The following SPIDR variants were observed in gnomAD, a reference collection of about 807,000 sequenced individuals.
The protein encoded by SPIDR is scaffold protein involved in DNA repair.
SPIDR carries 93 observed loss-of-function variants against 104.6 expected under a neutral mutation model. The observed-to-expected ratio is 0.89, with a 90% confidence interval of 0.75 to 1.06. The LOEUF (loss-of-function observed/expected upper bound fraction) is 1.06, where lower values mean the gene tolerates loss of function less well. Among genes scored for constraint, SPIDR ranks in the 50% least tolerant of loss-of-function variants. The pLI is 0.00. For missense variants in SPIDR, 1,154 were observed against 1,111.2 expected, an observed-to-expected ratio of 1.04 and a Z score of -0.55; for synonymous variants, 431 against 416.9, an observed-to-expected ratio of 1.03 and a Z score of -0.41.
Position 47,671,420 on chromosome 8 carries a change from A to G in SPIDR, c.1545-2381A>G, listed in dbSNP as rs556783324. Among the ~76,000 whole-genome samples the G allele has an allele frequency of 2.7e-3, 417 of 152,054 alleles. 1 individual carries two copies. The highest frequency in any genetic ancestry group is 9.8e-3 in the African/African-American group (407 of 41,464). On this transcript the variant is annotated intron_variant, in intron 10 of 19. Transcript: ENST00000297423. The stretch of plus-strand genomic sequence containing the variant: ...CCCAACATGGAGAAACCCCATCTCT[A>G]CTAAAAATACAAAAATTAGCCAGGT...
At chr8:47,381,485 ACT>A (rs2059318959) in intron 5 of SPIDR, among the ~76,000 whole-genome samples, 1 of 151,868 alleles carries the variant, frequency 6.6e-6, no homozygotes, top group Non-Finnish European at 1.5e-5. Context: ...GGGCCTTCTG[ACT>A]CTTTGTTCTT....
chr8:47,672,262 CA>C (rs1161086016), intron 10 of SPIDR, among the ~76,000 whole-genome samples: 1 of 152,172 alleles, frequency 6.6e-6, no homozygotes, highest in Non-Finnish European at 1.5e-5. Context: ...TGGCCAGCCC[CA>C]CTTGGTATTT....
At chr8:47,534,726 C>T (rs2086615913) in intron 8 of SPIDR, among the ~76,000 whole-genome samples, 1 of 152,098 alleles carries the variant, frequency 6.6e-6, no homozygotes, top group Non-Finnish European at 1.5e-5. Flanking sequence ...AAAAAACCCC[C>T]ATGACCCATG....
chr8:47,398,574 T>C (rs1283286863), intron 6 of SPIDR, among the ~76,000 whole-genome samples: 1 of 152,012 alleles, frequency 6.6e-6, no homozygotes, highest in Non-Finnish European at 1.5e-5. Context: ...GCAGGTGCTT[T>C]TGGTTTTGTA....
intron 10 of SPIDR, among the ~76,000 whole-genome samples, chr8:47,612,231 C>T: frequency 6.6e-6 from 1 of 152,176 alleles, no homozygotes; most frequent in East Asian, 1.9e-4. Flanking sequence ...AGCTTTGTAC[C>T]TCGAGTCTTT....
intron 5 of SPIDR, among the ~76,000 whole-genome samples, chr8:47,359,160 G>A (rs1554628111): frequency 6.6e-6 from 1 of 151,450 alleles, no homozygotes; most frequent in Non-Finnish European, 1.5e-5. Context: ...GCAGGAGAAT[G>A]GCGTGAACCC....
chr8:47,485,932 A>T (rs1422312790), intron 8 of SPIDR, among the ~76,000 whole-genome samples: 3 of 152,168 alleles, frequency 2.0e-5, no homozygotes, highest in African/African-American at 7.2e-5. Context: ...AAATTCTACA[A>T]ATCAGAGCGC....
At position 47,511,434 on chromosome 8, in the gene SPIDR, T is replaced by A. The variant is rs1263983242; in HGVS notation, c.1097+70892T>A. 3.8e-6 allele frequency: 3 copies of A among 795,332 alleles called. No homozygotes were observed. In the African/African-American group the frequency reaches 5.0e-5, roughly 13 times the overall value. 49.3% of individuals were successfully genotyped at this position (795,332 alleles called of 1,614,324 possible). On this transcript the variant is annotated intron_variant, in intron 8 of 19. Transcript: ENST00000297423. The stretch of plus-strand genomic sequence containing the variant: ...ACTTCATAAAGTCCTCGTCCTGATG[T>A]TCCTCCATATCCAAGTTCGCCTGTC...
At chr8:47,570,212 A>G (rs1174903456) in intron 8 of SPIDR, among the ~76,000 whole-genome samples, 5 of 152,058 alleles carry the variant, frequency 3.3e-5, no homozygotes, top group Admixed American at 6.5e-5. Context: ...CAGTGTTGAC[A>G]TAAAGATAAA....
intron 4 of SPIDR, among the ~76,000 whole-genome samples, chr8:47,293,470 A>T (rs1469837383): frequency 6.6e-6 from 1 of 152,036 alleles, no homozygotes; most frequent in Non-Finnish European, 1.5e-5. Flanking sequence ...TTTTTGAGAC[A>T]GAGTCTCGTT....
chr8:47,569,161 C>G (rs886270390), intron 8 of SPIDR, among the ~76,000 whole-genome samples: 1 of 152,006 alleles, frequency 6.6e-6, no homozygotes, highest in Non-Finnish European at 1.5e-5. Flanking sequence ...AAATCAAAAG[C>G]AGTTACAAGA....
intron 10 of SPIDR, among the ~76,000 whole-genome samples, chr8:47,626,851 C>G (rs1391050246): frequency 6.6e-6 from 1 of 152,082 alleles, no homozygotes; most frequent in South Asian, 2.1e-4. Flanking sequence ...GGATCTAGAA[C>G]TAGAAATACC....
chr8:47,689,841 T>A (rs2078371197), intron 11 of SPIDR, among the ~76,000 whole-genome samples: 1 of 152,228 alleles, frequency 6.6e-6, no homozygotes, highest in Admixed American at 6.5e-5. Context: ...ACTGATCAGG[T>A]TGAAGCCTGG....
chr8:47,578,558 A>G (rs73567580), intron 8 of SPIDR, among the ~76,000 whole-genome samples: 5,691 of 152,286 alleles, frequency 0.037, 283 homozygotes, highest in African/African-American at 0.12. Context: ...CCATAGCGCT[A>G]TGCTACTACT....
intron 8 of SPIDR, among the ~76,000 whole-genome samples, chr8:47,543,670 TA>T (rs926941871): frequency 4.6e-5 from 7 of 152,146 alleles, no homozygotes; most frequent in South Asian, 2.1e-4. Flanking sequence ...GGTCACATGT[TA>T]AAAAAATGAT....
chr8:47,350,503 G>T (rs1347792492), intron 5 of SPIDR, among the ~76,000 whole-genome samples: 1 of 151,466 alleles, frequency 6.6e-6, no homozygotes, highest in Non-Finnish European at 1.5e-5. Context: ...TAGTAGAGAT[G>T]GGGTTTCACC....
In SPIDR at chr8:47,673,855, G is replaced by A; in HGVS notation, c.1599G>A (p.Glu533=). The A allele has an allele frequency of 6.2e-7, 1 of 1,614,162 alleles. No individual in the cohort carries two copies. Among genetic ancestry groups the A allele is most frequent in the South Asian group, 1.1e-5 (1 of 91,088 alleles). The change falls in exon 11 of 20, where the codon GAG becomes GAA. Residue 533 remains glutamate (E), a synonymous_variant. Transcript: ENST00000297423. ...GAATGTTCGGTGAAGTGCACTTGGA[G>A]TTCACCATGTCGAAGGCAAGACAGT... ...ACGMFGEVHL[E]FTMSKARQLE...
At chr8:47,420,830 C>T (rs556926062) in intron 7 of SPIDR, among the ~76,000 whole-genome samples, 2 of 152,156 alleles carry the variant, frequency 1.3e-5, no homozygotes, top group Non-Finnish European at 2.9e-5. Flanking sequence ...AATCTCCCAA[C>T]ATTTGTTTGA....
At chr8:47,677,509 A>T (rs1042392561) in intron 11 of SPIDR, among the ~76,000 whole-genome samples, 10 of 152,208 alleles carry the variant, frequency 6.6e-5, no homozygotes, top group African/African-American at 2.4e-4. Context: ...TTATTAATTT[A>T]TAGGTACTAT....
Sources: allele counts gnomAD v4.1 joint callset (sites outside exome capture counted in the v4.1 genomes callset), GRCh38; gene constraint gnomAD v4.1.1; transcripts MANE v1.5; gene names NCBI Gene and HGNC (gene_info 2026-07-23, HGNC 2026-07-21).